The following RPGR variants were observed in gnomAD, a reference collection of about 807,000 sequenced individuals.
The protein encoded by RPGR is X-linked retinitis pigmentosa GTPase regulator.
RPGR carries 10 observed loss-of-function variants against 56.3 expected under a neutral mutation model. The observed-to-expected ratio is 0.18, with a 90% CI of 0.11 to 0.30. RPGR has a LOEUF of 0.30. RPGR is among the 10% of genes least tolerant of loss of function. RPGR has a pLI of 1.00. For missense variants in RPGR, 538 were observed against 590.9 expected (o/e 0.91, Z 0.93); for synonymous variants, 197 against 212.9 (o/e 0.93, Z 0.65).
rs1482708966 is a variant in RPGR at position 38,270,704 on chromosome X, A to G, written c.2242-872T>C. Among the ~76,000 whole-genome samples the G allele has an allele frequency of 2.7e-5, 3 of 109,999 alleles. No individual in the cohort carries two copies. The Admixed American group carries it at 2.9e-4, about 11-fold the overall frequency. ...TGTGGGTCTGAGTAGGCAGTCAAAT[A>G]TACAGAGCTGCTGCTCAGGGGAGGC... On this transcript the variant is annotated intron_variant, in intron 18 of 18. Coordinates refer to ENST00000642395, the MANE Select transcript of RPGR (RefSeq NM_000328.3).
chrX:38,307,093 G>A (rs73192553), intron 7 of RPGR, among the ~76,000 whole-genome samples: 3,676 of 112,201 alleles, frequency 0.033, 71 homozygotes, highest in Middle Eastern at 0.055. Flanking sequence ...AGAAAACTTA[G>A]GTTTATCCAA....
At position 38,297,442 on chromosome X, in the gene RPGR, G is replaced by T. The variant is rs771830247; in HGVS notation, c.1256C>A (p.Pro419Gln). Reference sequence around the variant, plus strand: ...TGTTCTCCTCATTGAAAAAGAATCTGGAGACCTCTCCTTTAAAATAAGCAG... The same window carrying T: ...TGTTCTCCTCATTGAAAAAGAATCTTGAGACCTCTCCTTTAAAATAAGCAG... The change falls in exon 11 of 19, where the codon CCA (proline) becomes CAA (glutamine). Residue 419 changes from proline to glutamine, a missense_variant. Physicochemically the swap from Pro to Gln is moderately conservative, Grantham distance 76. Coordinates refer to ENST00000642395, the MANE Select transcript of RPGR (RefSeq NM_000328.3). 10 of 1,202,172 alleles carry T rather than the reference G, an allele frequency of 8.3e-6. No homozygotes were observed. The highest frequency in any genetic ancestry group is 7.1e-5 in the South Asian group (4 of 56,491).
At chrX:38,317,171 G>A in intron 6 of RPGR, 145 bp downstream of exon 6, 3 of 541,214 alleles carry the variant, frequency 5.5e-6, no homozygotes, top group Non-Finnish European at 9.1e-6. Flanking sequence ...GGGAAATACT[G>A]TGACCTAAAA....
At chrX:38,303,140 T>C (rs1395938668) in intron 8 of RPGR, among the ~76,000 whole-genome samples, 1 of 111,689 alleles carries the variant, frequency 9.0e-6, no homozygotes, top group Non-Finnish European at 1.9e-5. Flanking sequence ...CAAATGTTTT[T>C]TAAGGTTTGC....
At position 38,310,766 on chromosome X, in the gene RPGR, AC is replaced by A; in HGVS notation, c.626del (p.Gly209ValfsTer14). On this transcript the variant is annotated frameshift_variant, in exon 7 of 19. Coordinates refer to ENST00000642395, the MANE Select transcript of RPGR (RefSeq NM_000328.3). LOFTEE classifies it high-confidence loss of function. ...CAGGTTCTCCAAACACATATAGCTC[AC>A]CATCTGCTATTGAAGGAAAAGTATA... The A allele has an allele frequency of 8.3e-7, 1 of 1,209,610 alleles. No individual in the cohort carries two copies. Among genetic ancestry groups the A allele is most frequent in the Non-Finnish European group, 1.1e-6 (1 of 893,860 alleles).
intron 15 of RPGR, among the ~76,000 whole-genome samples, chrX:38,279,382 G>A (rs750359379): frequency 8.9e-6 from 1 of 111,943 alleles, no homozygotes; most frequent in African/African-American, 3.2e-5. Context: ...TGTTTCATTG[G>A]TCAGGCATGG....
At chrX:38,304,898 CCTCTGGGG>C in intron 7 of RPGR, 108 bp from the exon 8 acceptor site, 2 of 663,448 alleles carry the variant, frequency 3.0e-6, no homozygotes, top group Admixed American at 2.9e-5. Context: ...AGGTTAAGTG[CCTCTGGGG>C]AAAAAAAAAC....
rs745378270 is a variant in RPGR at position 38,303,296 on chromosome X, T to C, written c.934+1339A>G. On this transcript the variant is annotated intron_variant, in intron 8 of 18. Transcript: ENST00000642395. ...AAGAGCTTGCAGATAACCCACTACA[T>C]ACTTCTCATTAGTCCTGGAGGAAAA... Among the ~76,000 whole-genome samples the C allele has an allele frequency of 5.5e-5, 6 of 108,806 alleles. No individual in the cohort carries two copies. In the East Asian group the frequency reaches 1.4e-3, roughly 26 times the overall value. 94.5% of individuals were successfully genotyped at this position (108,806 alleles called of 115,157 possible).
chrX:38,325,173 CA>C (rs1170174575), intron 1 of RPGR, among the ~76,000 whole-genome samples: 2,056 of 40,674 alleles, frequency 0.051, 36 homozygotes, highest in African/African-American at 0.11. Context: ...GACTCCGTCT[CA>C]AAAAAAAAAA....
At chrX:38,279,975 A>G (rs1473768633) in intron 15 of RPGR, among the ~76,000 whole-genome samples, 1 of 110,919 alleles carries the variant, frequency 9.0e-6, no homozygotes, top group East Asian at 2.8e-4. Flanking sequence ...AAAATCATGG[A>G]AACAGCAGTA....
At chrX:38,294,040 T>C (rs59233692) in intron 11 of RPGR, among the ~76,000 whole-genome samples, 1,460 of 111,336 alleles carry the variant, frequency 0.013, 33 homozygotes, top group African/African-American at 0.045. Context: ...AATCCCTCAT[T>C]CCCCATTCAT....
At position 38,291,042 on chromosome X, in the gene RPGR, T is replaced by C. The variant is rs113851995; in HGVS notation, c.1507-18A>G. 6.6e-5 allele frequency: 49 copies of C among 738,459 alleles called. No individual in the cohort carries two copies. The African/African-American group carries it at 8.3e-4, about 13-fold the overall frequency. 60.9% of individuals were successfully genotyped at this position (738,459 alleles called of 1,213,427 possible). On this transcript the variant is annotated intron_variant, in intron 12 of 18. Coordinates refer to ENST00000642395, the MANE Select transcript of RPGR (RefSeq NM_000328.3). ...ATGTGTGTCTGAAATAAATAAAAAA[T>C]ATATATTATAAAAAGAATACAGTAT...
chrX:38,276,801 G>T (rs200356383), intron 15 of RPGR: 12 of 1,146,309 alleles, frequency 1.0e-5, no homozygotes, highest in Non-Finnish European at 1.4e-5. Flanking sequence ...TCAGAGAAGA[G>T]TAAGATTTTC....
At chrX:38,324,972 C>T (rs779430534) in intron 1 of RPGR, among the ~76,000 whole-genome samples, 42 of 106,443 alleles carry the variant, frequency 3.9e-4, no homozygotes, top group African/African-American at 1.4e-3. Context: ...GAGTTCGAGA[C>T]CAGCCTGGCC....
intron 11 of RPGR, among the ~76,000 whole-genome samples, chrX:38,292,313 T>C (rs1337295110): frequency 8.9e-6 from 1 of 112,728 alleles, no homozygotes; most frequent in Non-Finnish European, 1.9e-5. Context: ...TTTTTAAATG[T>C]AGCAACAGAT....
chrX:38,270,601 C>T (rs1327231864), intron 18 of RPGR, among the ~76,000 whole-genome samples: 4 of 95,210 alleles, frequency 4.2e-5, no homozygotes, highest in South Asian at 5.5e-4. Flanking sequence ...CCAGCTTGGG[C>T]GACAGAGCGA....
At position 38,314,925 on chromosome X, in the gene RPGR, G is replaced by A. The variant is rs187020210; in HGVS notation, c.619+2391C>T. ...ACTGCTGGGTATATACCCAAAAGAA[G>A]AGAAACCAGTATATCAAAGAGATAT... On this transcript the variant is annotated intron_variant, in intron 6 of 18. Transcript: ENST00000642395. 2.2e-3 allele frequency among the ~76,000 whole-genome samples: 251 copies of A among 111,848 alleles called. 1 individual carries two copies. Among genetic ancestry groups the A allele is most frequent in the Non-Finnish European group, 2.6e-3 (138 of 53,151 alleles).
rs606231181 is a variant in RPGR, at chrX:38,285,905, CCT to C, written c.1905+1187_1905+1188del. On this transcript the variant is annotated intron_variant, in intron 15 of 18. Coordinates refer to ENST00000642395, the MANE Select transcript of RPGR (RefSeq NM_000328.3). ...TCTCCTTCCTCTTCCTCTCCTTCCC[CCT>C]CTCCTTCCTCCCCTTCCACCTCCCC... 8.5e-7 allele frequency: 1 copy of C among 1,178,482 alleles called. No homozygotes were observed. The highest frequency in any genetic ancestry group is 2.4e-5 in the Admixed American group (1 of 42,261).
intron 15 of RPGR, among the ~76,000 whole-genome samples, chrX:38,277,141 T>C (rs1240856085): frequency 8.9e-6 from 1 of 112,405 alleles, no homozygotes; most frequent in African/African-American, 3.2e-5. Flanking sequence ...TAATCATATC[T>C]ATATATTATA....
Sources: gnomAD v4.1 joint callset for allele counts (sites outside exome capture counted in the v4.1 genomes callset) on GRCh38, gnomAD v4.1.1 for gene constraint, MANE v1.5 for transcripts, NCBI Gene and HGNC (gene_info 2026-07-23, HGNC 2026-07-21) for gene names.